MCUB: variants seen among roughly 807,000 people sequenced by gnomAD.
The protein encoded by MCUB is mitochondrial calcium uniporter dominant negative subunit beta, also known as calcium uniporter regulatory subunit MCUb, mitochondrial.
Under a neutral mutation model 41.4 loss-of-function variants are expected in MCUB, and 46 were observed. The observed-to-expected ratio is 1.11, with a 90% CI of 0.88 to 1.42. MCUB has a LOEUF of 1.42. Among genes scored for constraint, MCUB ranks in the 40% most tolerant of loss-of-function variants. MCUB has a pLI of 0.00. For synonymous variants in MCUB, 148 were observed against 148.2 expected, an observed-to-expected ratio of 1.00 and a Z score of 0.01; for missense variants, 403 against 404.9, an observed-to-expected ratio of 1.00 and a Z score of 0.04.
Position 109,598,080 on chromosome 4 carries a change from G to A in MCUB, c.99+37644G>A, listed in dbSNP as rs565560512. On this transcript the variant is annotated intron_variant, in intron 1 of 7. Transcript: ENST00000394650. ...CTCCTCACTTCCTAGATGGGATGGC[G>A]GCCGGACGGAGACGCTCCTCACTTC... is the stretch of plus-strand genomic sequence containing the variant. Among the ~76,000 whole-genome samples the A allele has an allele frequency of 6.0e-5, 9 of 150,000 alleles. No individual in the cohort carries two copies. The South Asian group carries it at 2.0e-3, about 33-fold the overall frequency.
intron 1 of MCUB, among the ~76,000 whole-genome samples, chr4:109,572,711 T>C (rs1303618155): frequency 5.9e-5 from 9 of 152,106 alleles, no homozygotes; most frequent in Admixed American, 5.2e-4. Flanking sequence ...TACTTGGTTT[T>C]TTAATTTGTC....
At chr4:109,632,842 T>G (rs1436730151) in intron 1 of MCUB, among the ~76,000 whole-genome samples, 1 of 152,150 alleles carries the variant, frequency 6.6e-6, no homozygotes, top group African/African-American at 2.4e-5. Context: ...CTCGAACTCC[T>G]GACCTCCAGT....
At chr4:109,586,295 G>A (rs139769783) in intron 1 of MCUB, among the ~76,000 whole-genome samples, 113 of 152,256 alleles carry the variant, frequency 7.4e-4, no homozygotes, top group African/African-American at 2.3e-3. Context: ...ATGGTTTTCA[G>A]TTCCATCAGG....
At chr4:109,608,662 T>C (rs1230044439) in intron 1 of MCUB, among the ~76,000 whole-genome samples, 1 of 151,942 alleles carries the variant, frequency 6.6e-6, no homozygotes, top group South Asian at 2.1e-4. Flanking sequence ...ACTTTTTGTA[T>C]TATTATTATT....
intron 1 of MCUB, among the ~76,000 whole-genome samples, chr4:109,644,729 A>T (rs985792278): frequency 6.6e-6 from 1 of 152,210 alleles, no homozygotes; most frequent in Non-Finnish European, 1.5e-5. Flanking sequence ...TACGCATTGT[A>T]TGCAGTTTTT....
intron 2 of MCUB, among the ~76,000 whole-genome samples, chr4:109,659,897 G>T (rs1729189951): frequency 6.6e-6 from 1 of 152,166 alleles, no homozygotes; most frequent in Non-Finnish European, 1.5e-5. Context: ...CGCTCAGGCA[G>T]TCCACCAATC....
chr4:109,647,066 G>A (rs13101299), intron 1 of MCUB, among the ~76,000 whole-genome samples: 21,325 of 152,010 alleles, frequency 0.14, 1,989 homozygotes, highest in African/African-American at 0.26. Flanking sequence ...GCAAAACCAC[G>A]CAGAAAGCTC....
intron 7 of MCUB, among the ~76,000 whole-genome samples, chr4:109,687,157 C>G (rs1208800455): frequency 1.3e-5 from 2 of 151,868 alleles, no homozygotes; most frequent in African/African-American, 4.8e-5. Flanking sequence ...GAGTTCAAGA[C>G]CAGCCAGAGC....
intron 1 of MCUB, among the ~76,000 whole-genome samples, chr4:109,655,993 CCA>C (rs1729087805): frequency 6.6e-6 from 1 of 152,134 alleles, no homozygotes; most frequent in Non-Finnish European, 1.5e-5. Flanking sequence ...TTTTCTCAGG[CCA>C]CTCTGCCTTC....
chr4:109,687,649 G>T lies in MCUB; in HGVS notation c.*57G>T. 1 of 1,080,912 alleles carries T rather than the reference G, an allele frequency of 9.3e-7. No individual in the cohort carries two copies. Among genetic ancestry groups the T allele is most frequent in the Non-Finnish European group, 1.4e-6 (1 of 707,424 alleles). 67.0% of individuals were successfully genotyped at this position (1,080,912 alleles called of 1,614,324 possible). ...ATTATGTATTGATTTTGCAACTTAG[G>T]ATGTTTTTGAGTCCCATGGTTCATT... On this transcript the variant is annotated 3_prime_UTR_variant, in exon 8 of 8. Transcript: ENST00000394650.
intron 1 of MCUB, among the ~76,000 whole-genome samples, chr4:109,634,587 G>T (rs1302204853): frequency 6.6e-6 from 1 of 151,450 alleles, no homozygotes. Flanking sequence ...GTAGATTACT[G>T]TTGCCTCTTT....
In MCUB at chr4:109,682,692, T is replaced by A; in HGVS notation, c.562T>A (p.Leu188Ile). The A allele has an allele frequency of 6.2e-7, 1 of 1,613,784 alleles. No individual in the cohort carries two copies. ...GTCTCAGAAAAAGAGAGAGCACCAT[T>A]TACTGGAGAAAATTGACCACCTGAA... is the stretch of plus-strand genomic sequence containing the variant. ...EESQKKREHHLLEKIDHLKEQ... is the reference protein window; with the variant it reads ...EESQKKREHHILEKIDHLKEQ... Residue 188 changes from leucine (L) to isoleucine (I), a missense_variant, in exon 5 of 8, where the codon TTA becomes ATA. Transcript: ENST00000394650.
intron 1 of MCUB, among the ~76,000 whole-genome samples, chr4:109,586,394 G>A (rs902094079): frequency 4.6e-5 from 7 of 152,182 alleles, no homozygotes; most frequent in East Asian, 1.9e-4. Flanking sequence ...CGATGGGTTC[G>A]AACATCCTTC....
chr4:109,656,383 TTTTTTTTTTG>T (rs1729103014), intron 1 of MCUB, among the ~76,000 whole-genome samples: 4 of 31,218 alleles, frequency 1.3e-4, no homozygotes, highest in South Asian at 2.5e-3. Context: ...TTTTTTTTTT[TTTTTTTTTTG>T]GAGACAGGGT....
At chr4:109,615,571 C>A (rs960333600) in intron 1 of MCUB, among the ~76,000 whole-genome samples, 1 of 151,782 alleles carries the variant, frequency 6.6e-6, no homozygotes, top group Non-Finnish European at 1.5e-5. Context: ...CTACGCCCGG[C>A]TAATTTTTTT....
intron 4 of MCUB, among the ~76,000 whole-genome samples, chr4:109,675,598 TTAGAGCAG>T (rs925778795): frequency 2.6e-5 from 4 of 152,228 alleles, no homozygotes; most frequent in Non-Finnish European, 4.4e-5. Context: ...AACCTCATCT[TTAGAGCAG>T]TGCTGTACTT....
intron 4 of MCUB, among the ~76,000 whole-genome samples, chr4:109,672,645 T>A (rs933526791): frequency 6.6e-6 from 1 of 152,036 alleles, no homozygotes; most frequent in Non-Finnish European, 1.5e-5. Context: ...TGTGGGAGAG[T>A]TTCTGGAGGT....
At chr4:109,579,231 T>C (rs1244409016) in intron 1 of MCUB, among the ~76,000 whole-genome samples, 1 of 151,508 alleles carries the variant, frequency 6.6e-6, no homozygotes, top group Non-Finnish European at 1.5e-5. Context: ...ATATTTGAGT[T>C]GTTGAGACTC....
chr4:109,589,946 G>A (rs1248174051), intron 1 of MCUB, among the ~76,000 whole-genome samples: 2 of 152,146 alleles, frequency 1.3e-5, no homozygotes, highest in Non-Finnish European at 2.9e-5. Context: ...AACATCTTGT[G>A]TTTCTTTCCT....
Sources: allele counts gnomAD v4.1 joint callset (sites outside exome capture counted in the v4.1 genomes callset), GRCh38; gene constraint gnomAD v4.1.1; transcripts MANE v1.5; gene names NCBI Gene and HGNC (gene_info 2026-07-23, HGNC 2026-07-21).